USP32: variants seen among roughly 807,000 people sequenced by gnomAD.
The protein encoded by USP32 is ubiquitin carboxyl-terminal hydrolase 32.
Under a neutral mutation model 204.8 loss-of-function variants are expected in USP32, and 59 were observed. The ratio of observed to expected loss-of-function variants is 0.29; its 90% CI spans 0.23 to 0.36. The LOEUF (loss-of-function observed/expected upper bound fraction) is 0.36, where lower values mean the gene tolerates loss of function less well. Among genes scored for constraint, USP32 ranks in the 10% least tolerant of loss-of-function variants. The pLI is 1.00. For missense variants in USP32, 1,160 were observed against 1,946.4 expected, an observed-to-expected ratio of 0.60 and a Z score of 7.60; for synonymous variants, 517 against 678.4, an observed-to-expected ratio of 0.76 and a Z score of 3.70.
At position 60,183,331 on chromosome 17, in the gene USP32, G is replaced by C. The variant is rs2084164243; in HGVS notation, c.3957C>G (p.Leu1319=). 3 of 1,613,904 alleles carry C rather than the reference G, an allele frequency of 1.9e-6. No homozygotes were observed. Among genetic ancestry groups the C allele is most frequent in the Middle Eastern group, 3.3e-4 (2 of 6,078 alleles). The change falls in exon 31 of 34, where the codon CTC becomes CTG. Residue 1319 remains leucine, a synonymous_variant. Transcript: ENST00000300896. ...SAFLVPRDPA[L]CQHKPLTPQG... is the part of the protein sequence containing the mutation. ...GGGGTGTGAGTGGTTTATGCTGGCAGAGAGCCGGGTCTCTTGGTACCAAAA... is the reference window on the plus strand; with the variant it reads ...GGGGTGTGAGTGGTTTATGCTGGCACAGAGCCGGGTCTCTTGGTACCAAAA...
At chr17:60,292,512 C>T (rs891239616) in intron 4 of USP32, among the ~76,000 whole-genome samples, 1 of 152,142 alleles carries the variant, frequency 6.6e-6, no homozygotes, top group African/African-American at 2.4e-5. Flanking sequence ...TTTACTGAAT[C>T]AGGCTAAATA....
At chr17:60,368,323 CAT>C (rs2089358917) in intron 1 of USP32, among the ~76,000 whole-genome samples, 1 of 152,150 alleles carries the variant, frequency 6.6e-6, no homozygotes. Flanking sequence ...ATGAAATACA[CAT>C]TAGATTGCTT....
At chr17:60,283,988 G>A (rs372218447) in intron 5 of USP32, among the ~76,000 whole-genome samples, 12 of 152,056 alleles carry the variant, frequency 7.9e-5, no homozygotes, top group Non-Finnish European at 1.3e-4. Flanking sequence ...AGTAAAACTC[G>A]TAAGAAATAA....
rs576884885 is a variant in USP32, at chr17:60,221,883, GTGC to G, written c.1749+523_1749+525del. ...AAAAAGTGAGTGTCCAGAGTACCGA[GTGC>G]TGTTTACCGTGTAAGCACAACAAAT... On this transcript the variant is annotated intron_variant, in intron 15 of 33. Transcript: ENST00000300896. Among the ~76,000 whole-genome samples the G allele has an allele frequency of 3.3e-5, 5 of 152,190 alleles. No homozygotes were observed. In the East Asian group the frequency reaches 9.7e-4, roughly 29 times the overall value.
intron 2 of USP32, among the ~76,000 whole-genome samples, chr17:60,329,148 A>G (rs2088316534): frequency 1.3e-5 from 2 of 152,232 alleles, no homozygotes; most frequent in African/African-American, 2.4e-5. Context: ...TAATATAACA[A>G]AAGAAAAAGG....
chr17:60,378,884 A>T (rs1004819360), intron 1 of USP32, among the ~76,000 whole-genome samples: 10 of 152,140 alleles, frequency 6.6e-5, no homozygotes, highest in African/African-American at 2.4e-4. Flanking sequence ...CACTAATTGT[A>T]CATTTTTTAA....
At chr17:60,363,157 A>G (rs1377856668) in intron 1 of USP32, among the ~76,000 whole-genome samples, 1 of 151,270 alleles carries the variant, frequency 6.6e-6, no homozygotes, top group Non-Finnish European at 1.5e-5. Context: ...TTTTAAATTA[A>G]AAAAAAATTT....
At chr17:60,403,437 T>C (rs1365813910) in intron 1 of USP32, among the ~76,000 whole-genome samples, 2 of 152,156 alleles carry the variant, frequency 1.3e-5, no homozygotes, top group Admixed American at 1.3e-4. Context: ...TATCCAGAAA[T>C]GTTGTCATGC....
chr17:60,272,313 T>C (rs1331036158), intron 5 of USP32, among the ~76,000 whole-genome samples: 1 of 152,224 alleles, frequency 6.6e-6, no homozygotes, highest in Non-Finnish European at 1.5e-5. Flanking sequence ...TAGGAGTCCC[T>C]ATGTGATAGC....
At chr17:60,253,474 T>C (rs907390043) in intron 10 of USP32, among the ~76,000 whole-genome samples, 2 of 151,216 alleles carry the variant, frequency 1.3e-5, no homozygotes, top group African/African-American at 4.9e-5. Context: ...GAGATAAAAA[T>C]AGTTGACCAG....
intron 11 of USP32, among the ~76,000 whole-genome samples, chr17:60,236,461 T>C (rs1357042946): frequency 1.3e-5 from 2 of 152,096 alleles, no homozygotes; most frequent in African/African-American, 2.4e-5. Context: ...AGGAAAAGAT[T>C]CTGGGAAAAA....
rs545183273 is a variant in USP32, at chr17:60,344,663, C to CA, written c.186+817dup. 2.6e-4 allele frequency among the ~76,000 whole-genome samples: 40 copies of CA among 152,150 alleles called. No individual in the cohort carries two copies. In the South Asian group the frequency reaches 7.9e-3, roughly 30 times the overall value. ...AGTAGAGATGAGGTCTCACTATGCCCAGGCTGGCCTGGAACTCCTGAGCTC... is the reference window on the plus strand; with the variant it reads ...AGTAGAGATGAGGTCTCACTATGCCCAAGGCTGGCCTGGAACTCCTGAGCTC... On this transcript the variant is annotated intron_variant, in intron 2 of 33. Coordinates refer to ENST00000300896, the MANE Select transcript of USP32 (RefSeq NM_032582.4).
rs546617412 is a variant in USP32 at position 60,380,428 on chromosome 17, C to T, written c.58+11454G>A. Among the ~76,000 whole-genome samples the T allele has an allele frequency of 2.2e-4, 33 of 152,124 alleles. No individual in the cohort carries two copies. In the East Asian group the frequency reaches 6.2e-3, roughly 29 times the overall value. ...CAAAAAAACACAAAAATTAGCAGGG[C>T]ATAGTGGTGCACACCTGTAGTCCCA... On this transcript the variant is annotated intron_variant, in intron 1 of 33. Transcript: ENST00000300896.
chr17:60,390,024 A>AG (rs955110655), intron 1 of USP32, among the ~76,000 whole-genome samples: 2 of 152,226 alleles, frequency 1.3e-5, no homozygotes, highest in African/African-American at 4.8e-5. Flanking sequence ...TCAAAAAAAA[A>AG]ACATAAATTC....
chr17:60,393,224 T>C (rs1442637651), upstream of USP32, among the ~76,000 whole-genome samples: 2 of 152,192 alleles, frequency 1.3e-5, no homozygotes, highest in African/African-American at 4.8e-5. Flanking sequence ...TTCTCTTTTG[T>C]GACTGGCTTA....
intron 11 of USP32, among the ~76,000 whole-genome samples, chr17:60,247,257 G>T (rs962108339): frequency 6.6e-6 from 1 of 151,944 alleles, no homozygotes; most frequent in Non-Finnish European, 1.5e-5. Context: ...TCGGCTCACT[G>T]CAACCTCCAC....
At chr17:60,322,386 G>A (rs2088133770) in intron 2 of USP32, among the ~76,000 whole-genome samples, 1 of 152,070 alleles carries the variant, frequency 6.6e-6, no homozygotes, top group South Asian at 2.1e-4. Context: ...TAAAAGCCAA[G>A]AAAAAGCATG....
chr17:60,258,137 G>T (rs141486526), intron 9 of USP32: 1 of 156,570 alleles, frequency 6.4e-6, no homozygotes, highest in East Asian at 1.9e-4. Flanking sequence ...GAGGGACTCT[G>T]AAGTTGAGCT....
intron 9 of USP32, among the ~76,000 whole-genome samples, chr17:60,262,214 A>T (rs1477494478): frequency 6.6e-6 from 1 of 152,190 alleles, no homozygotes; most frequent in Non-Finnish European, 1.5e-5. Context: ...TATTTGAGAC[A>T]GAGTTTCACT....
Sources: gnomAD v4.1 joint callset for allele counts (sites outside exome capture counted in the v4.1 genomes callset) on GRCh38, gnomAD v4.1.1 for gene constraint, MANE v1.5 for transcripts, NCBI Gene and HGNC (gene_info 2026-07-23, HGNC 2026-07-21) for gene names.